ATP6V1A: variants seen among roughly 807,000 people sequenced by gnomAD.
ATP6V1A encodes the protein ATPase H+ transporting V1 subunit A, also known as V-type proton ATPase catalytic subunit A.
ATP6V1A carries 18 observed loss-of-function variants against 70.1 expected under a neutral mutation model. The observed-to-expected ratio is 0.26, with a 90% CI of 0.18 to 0.38. The LOEUF (loss-of-function observed/expected upper bound fraction) is 0.38, where lower values mean the gene tolerates loss of function less well. ATP6V1A is among the 10% of genes least tolerant of loss of function. The pLI, the probability that ATP6V1A is intolerant of heterozygous loss-of-function variation, is 1.00. For synonymous variants in ATP6V1A, 232 were observed against 253.8 expected, an observed-to-expected ratio of 0.91 and a Z score of 0.82; for missense variants, 424 against 772.4, an observed-to-expected ratio of 0.55 and a Z score of 5.35.
At chr3:113,808,495 T>C (rs917173479) in intron 14 of ATP6V1A, among the ~76,000 whole-genome samples, 1 of 151,958 alleles carries the variant, frequency 6.6e-6, no homozygotes, top group East Asian at 1.9e-4. Flanking sequence ...GGTTTCACCA[T>C]GTTGGCCAGG....
In ATP6V1A at chr3:113,794,968, C is replaced by G. The variant is rs1709138189; in HGVS notation, c.1085C>G (p.Ser362Cys). The G allele has an allele frequency of 1.2e-6, 2 of 1,613,752 alleles. No homozygotes were observed. The highest frequency in any genetic ancestry group is 1.7e-6 in the Non-Finnish European group (2 of 1,179,902). The change falls in exon 9 of 15, where the codon TCT becomes TGT. Residue 362 changes from serine (S) to cysteine (C), a missense_variant. Ser to Cys is a moderately radical substitution (Grantham distance 112). This residue lies in a region of ATP6V1A where 58 missense variants were observed against 181.5 expected (regional missense o/e 0.32). Transcript: ENST00000273398. ...TGGGCTGAGGCCCTTAGAGAAATCT[C>G]TGGTCGTTTAGCTGAAATGCCTGCA... ...SRWAEALREI[S>C]GRLAEMPADS... is the part of the protein sequence containing the mutation.
chr3:113,781,001 C>T, intron 2 of ATP6V1A, 49 bp from the exon 3 acceptor site: 1 of 1,544,310 alleles, frequency 6.5e-7, no homozygotes, highest in Non-Finnish European at 8.7e-7. Context: ...TGACTATTCA[C>T]AGAGCACTAG....
chr3:113,795,042 C>T (rs773510755), intron 9 of ATP6V1A, 48 bp downstream of exon 9: 12 of 1,612,772 alleles, frequency 7.4e-6, no homozygotes, highest in African/African-American at 2.7e-5. Flanking sequence ...ATGGGATTTT[C>T]GGGGCTGGCT....
chr3:113,795,370 G>A (rs1266953590), intron 10 of ATP6V1A, among the ~76,000 whole-genome samples, 166 bp downstream of exon 10: 9 of 152,064 alleles, frequency 5.9e-5, no homozygotes, highest in Non-Finnish European at 8.8e-5. Flanking sequence ...CTTTGAAGAT[G>A]CACATGTTTA....
In ATP6V1A at chr3:113,766,608, T is replaced by C. The variant is rs143347560; in HGVS notation, c.-13-12133T>C. ...CTGCATCCAGCTCAGAGATCATCTC[T>C]AGAGGGGCACTAATCCCATTCATGA... On this transcript the variant is annotated intron_variant, in intron 1 of 14. Coordinates refer to ENST00000273398, the MANE Select transcript of ATP6V1A (RefSeq NM_001690.4). 1.2e-4 allele frequency among the ~76,000 whole-genome samples: 18 copies of C among 152,260 alleles called. No individual in the cohort carries two copies. In the East Asian group the frequency reaches 1.9e-3, roughly 16 times the overall value.
chr3:113,806,277 G>A (rs762884070), intron 14 of ATP6V1A, among the ~76,000 whole-genome samples: 7 of 152,040 alleles, frequency 4.6e-5, no homozygotes, highest in Non-Finnish European at 7.4e-5. Context: ...AGTATGTCAC[G>A]TCTAAAATAA....
Position 113,758,678 on chromosome 3 carries a change from G to A in ATP6V1A, c.-14+11565G>A, listed in dbSNP as rs138574895. Among the ~76,000 whole-genome samples, 362 of 152,230 alleles carry A rather than the reference G, an allele frequency of 2.4e-3. 2 individuals carry two copies. The highest frequency in any genetic ancestry group is 8.5e-3 in the African/African-American group (352 of 41,536). Reference sequence around the variant, plus strand: ...GTCTTTGGACATAAGCTTTCTCATGGGGAAATACCAAGGAGTAGAATGGCT... The same window carrying A: ...GTCTTTGGACATAAGCTTTCTCATGAGGAAATACCAAGGAGTAGAATGGCT... On this transcript the variant is annotated intron_variant, in intron 1 of 14. Coordinates refer to ENST00000273398, the MANE Select transcript of ATP6V1A (RefSeq NM_001690.4).
At chr3:113,795,310 GGAGCAGC>G in intron 10 of ATP6V1A, 106 bp downstream of exon 10, 1 of 1,235,492 alleles carries the variant, frequency 8.1e-7, no homozygotes. Context: ...GCTCCCGCTG[GGAGCAGC>G]GGTTCTTAAG....
chr3:113,751,985 TATATC>T (rs1708592112), intron 1 of ATP6V1A, among the ~76,000 whole-genome samples: 2 of 151,910 alleles, frequency 1.3e-5, no homozygotes, highest in African/African-American at 4.8e-5. Flanking sequence ...AACACTTTCT[TATATC>T]TTAAGGTTTT....
At chr3:113,751,285 C>A in intron 1 of ATP6V1A, among the ~76,000 whole-genome samples, 1 of 151,736 alleles carries the variant, frequency 6.6e-6, no homozygotes, top group Non-Finnish European at 1.5e-5. Flanking sequence ...GAGTAAAATT[C>A]TTCCCTTCTT....
chr3:113,787,075 C>T lies in ATP6V1A; in HGVS notation c.716+692C>T, dbSNP rs141178981. 2.4e-3 allele frequency among the ~76,000 whole-genome samples: 364 copies of T among 152,296 alleles called. 2 individuals carry two copies. Among genetic ancestry groups the T allele is most frequent in the African/African-American group, 8.5e-3 (354 of 41,562 alleles). On this transcript the variant is annotated intron_variant, in intron 6 of 14. Transcript: ENST00000273398. ...GATTACAGGCGTGAGCCATTGCACC[C>T]GGCCACCATGTTTCTTAAGTTATTC... is the stretch of plus-strand genomic sequence containing the variant.
intron 1 of ATP6V1A, among the ~76,000 whole-genome samples, chr3:113,769,661 T>C (rs1451096804): frequency 6.6e-6 from 1 of 152,218 alleles, no homozygotes; most frequent in Non-Finnish European, 1.5e-5. Flanking sequence ...GAGTGGACTT[T>C]ATAGGAAAAA....
At chr3:113,792,468 G>A (rs188347525) in intron 8 of ATP6V1A, among the ~76,000 whole-genome samples, 1 of 152,142 alleles carries the variant, frequency 6.6e-6, no homozygotes, top group Non-Finnish European at 1.5e-5. Context: ...CTCCCAAGTA[G>A]CTGAGGCTAC....
chr3:113,795,339 TC>T (rs1371179653), intron 10 of ATP6V1A, 135 bp downstream of exon 10: 3 of 920,558 alleles, frequency 3.3e-6, no homozygotes, highest in Non-Finnish European at 4.8e-6. Flanking sequence ...AGGGTTGCAC[TC>T]CAGAGTCACC....
intron 3 of ATP6V1A, among the ~76,000 whole-genome samples, chr3:113,782,399 T>C (rs919360323): frequency 1.3e-5 from 2 of 151,952 alleles, no homozygotes; most frequent in African/African-American, 2.4e-5. Context: ...TCTAGCCGTT[T>C]ATCAAAACAC....
At chr3:113,760,856 C>T (rs1306154908) in intron 1 of ATP6V1A, among the ~76,000 whole-genome samples, 1 of 151,926 alleles carries the variant, frequency 6.6e-6, no homozygotes. Flanking sequence ...ATCACAAGAT[C>T]AAGAGATCGA....
At chr3:113,756,340 T>A (rs931370633) in intron 1 of ATP6V1A, among the ~76,000 whole-genome samples, 12 of 152,344 alleles carry the variant, frequency 7.9e-5, no homozygotes, top group African/African-American at 2.9e-4. Flanking sequence ...AATAGAACAT[T>A]TTGTACATCT....
intron 1 of ATP6V1A, among the ~76,000 whole-genome samples, chr3:113,759,194 A>G (rs1013107342): frequency 6.6e-6 from 1 of 151,110 alleles, no homozygotes; most frequent in African/African-American, 2.4e-5. Context: ...TTTTAGCGTT[A>G]TGTCAAATCC....
intron 13 of ATP6V1A, among the ~76,000 whole-genome samples, chr3:113,804,999 T>C (rs1331816145): frequency 6.6e-6 from 1 of 152,210 alleles, no homozygotes; most frequent in East Asian, 1.9e-4. Context: ...GGGTTACTTA[T>C]TTAACTGCAT....
Sources: allele counts gnomAD v4.1 joint callset (sites outside exome capture counted in the v4.1 genomes callset), GRCh38; gene constraint gnomAD v4.1.1; regional missense constraint gnomAD v4.1.1; transcripts MANE v1.5; gene names NCBI Gene and HGNC (gene_info 2026-07-23, HGNC 2026-07-21).